The following PLBD1 variants were observed in gnomAD, a reference collection of about 807,000 sequenced individuals.
The protein encoded by PLBD1 is phospholipase B domain containing 1, also known as lysosomal leucine aminopeptidase.
Under a neutral mutation model 63.0 loss-of-function variants are expected in PLBD1, and 60 were observed. The ratio of observed to expected loss-of-function variants is 0.95; its 90% CI spans 0.77 to 1.18. The LOEUF (loss-of-function observed/expected upper bound fraction) is 1.18, where lower values mean the gene tolerates loss of function less well. PLBD1 is among the 50% of genes most tolerant of loss of function. The probability of loss-of-function intolerance (pLI) is 0.00; values close to 1 mark genes in which losing one functional copy is unlikely to be tolerated. For missense variants in PLBD1, 598 were observed against 677.9 expected (o/e 0.88, Z 1.31); for synonymous variants, 262 against 248.0 (o/e 1.06, Z -0.53).
chr12:14,514,257 A>C (rs1433547029), intron 6 of PLBD1, among the ~76,000 whole-genome samples: 1 of 152,188 alleles, frequency 6.6e-6, no homozygotes, highest in Non-Finnish European at 1.5e-5. Context: ...GGCTTGACAG[A>C]GTGTAAAATG....
At chr12:14,549,213 C>T (rs780977817) in intron 2 of PLBD1, among the ~76,000 whole-genome samples, 12 of 152,188 alleles carry the variant, frequency 7.9e-5, no homozygotes, top group African/African-American at 1.7e-4. Flanking sequence ...AATTAAGTAA[C>T]GGCTGGGAGC....
chr12:14,566,467 G>A (rs1371114226), intron 1 of PLBD1, among the ~76,000 whole-genome samples: 2 of 152,110 alleles, frequency 1.3e-5, no homozygotes, highest in Non-Finnish European at 2.9e-5. Flanking sequence ...TATGAAATAA[G>A]ACAAAATTAA....
At chr12:14,557,310 G>A (rs1945713723) in intron 1 of PLBD1, among the ~76,000 whole-genome samples, 1 of 152,016 alleles carries the variant, frequency 6.6e-6, no homozygotes, top group African/African-American at 2.4e-5. Flanking sequence ...CCATTACTGG[G>A]CATATACTCA....
At chr12:14,520,338 G>A (rs555461937) in intron 6 of PLBD1, among the ~76,000 whole-genome samples, 71 of 152,330 alleles carry the variant, frequency 4.7e-4, no homozygotes, top group Admixed American at 1.2e-3. Flanking sequence ...AAATTACACA[G>A]ATGCAGGAGC....
At chr12:14,542,172 T>C (rs371374658) in intron 3 of PLBD1, 36 bp downstream of exon 3, 2 of 1,529,190 alleles carry the variant, frequency 1.3e-6, no homozygotes, top group Non-Finnish European at 1.8e-6. Context: ...CCTCCAACAT[T>C]TAAAACAATG....
At chr12:14,554,635 C>G (rs1423550946) in intron 1 of PLBD1, among the ~76,000 whole-genome samples, 1 of 152,026 alleles carries the variant, frequency 6.6e-6, no homozygotes, top group Non-Finnish European at 1.5e-5. Context: ...CTTGCTCCAG[C>G]CGGCTGCAGT....
At chr12:14,566,021 C>T (rs991832296) in intron 1 of PLBD1, among the ~76,000 whole-genome samples, 35 of 152,148 alleles carry the variant, frequency 2.3e-4, no homozygotes, top group Non-Finnish European at 4.4e-4. Context: ...AGAAAAACAA[C>T]GCCTGTCTCA....
chr12:14,567,764 C>T lies in PLBD1; in HGVS notation c.-68G>A. 1.4e-6 allele frequency: 2 copies of T among 1,380,950 alleles called. No homozygotes were observed. Among genetic ancestry groups the T allele is most frequent in the Admixed American group, 3.9e-5 (1 of 25,686 alleles). The allele number at this position is 1,380,950 out of a possible 1,614,324, so 85.5% of individuals were successfully genotyped here. A position where few individuals can be genotyped will look rare whatever the true frequency, so the allele number is the denominator to read the frequency against. ...CGGTGGCCCGCGGTGGCAGAAGTTG[C>T]AAGAGAGGCTCCTGGCCTACTCAGG... On this transcript the variant is annotated 5_prime_UTR_variant, in exon 1 of 11. Transcript: ENST00000240617.
At chr12:14,513,989 C>T (rs763363761) in intron 6 of PLBD1, among the ~76,000 whole-genome samples, 1 of 152,090 alleles carries the variant, frequency 6.6e-6, no homozygotes, top group South Asian at 2.1e-4. Context: ...CCATGTTAGC[C>T]AGGATGGTCT....
At chr12:14,565,678 TTTGG>T (rs1335174292) in intron 1 of PLBD1, among the ~76,000 whole-genome samples, 3 of 152,116 alleles carry the variant, frequency 2.0e-5, no homozygotes, top group Non-Finnish European at 2.9e-5. Context: ...TTCTTTACTC[TTTGG>T]TTGTTCGCAG....
At chr12:14,533,020 C>T (rs1176554928) in intron 6 of PLBD1, 1 of 152,092 alleles carries the variant, frequency 6.6e-6, no homozygotes, top group Non-Finnish European at 1.5e-5. Context: ...ATGTTAGCCT[C>T]TTTAGGTGAA....
intron 6 of PLBD1, among the ~76,000 whole-genome samples, chr12:14,515,385 A>C (rs1945329504): frequency 6.6e-6 from 1 of 151,660 alleles, no homozygotes; most frequent in Non-Finnish European, 1.5e-5. Context: ...CAATGAGGAG[A>C]CAAAGAATCA....
intron 6 of PLBD1, chr12:14,531,039 C>T (rs1391688927): frequency 6.6e-6 from 1 of 152,192 alleles, no homozygotes; most frequent in Non-Finnish European, 1.5e-5. Context: ...TCTTTTTTAA[C>T]AGGGCCCCTG....
chr12:14,511,627 G>A lies in PLBD1; in HGVS notation c.929C>T (p.Thr310Ile). ...LQTTNSVFNK[T>I]LLKQVIPETL... ...CTCGGGTATTACCTGCTTTAGCAGG[G>A]TTTTATTAAACACACTGTTTGTGGT... is the stretch of plus-strand genomic sequence containing the variant. The change falls in exon 7 of 11, where the codon ACC becomes ATC. Residue 310 changes from threonine to isoleucine, a missense_variant. Physicochemically the swap from Thr to Ile is moderately conservative, Grantham distance 89. Transcript: ENST00000240617. 1 of 1,614,132 alleles carries A rather than the reference G, an allele frequency of 6.2e-7. No individual in the cohort carries two copies. The highest frequency in any genetic ancestry group is 1.1e-5 in the South Asian group (1 of 91,082).
chr12:14,508,479 AGCAACTTG>A (rs375724065), intron 8 of PLBD1, among the ~76,000 whole-genome samples: 150 of 152,322 alleles, frequency 9.8e-4, no homozygotes, highest in African/African-American at 3.3e-3. Flanking sequence ...TTTAAAACAG[AGCAACTTG>A]GCCTGGTGCA....
chr12:14,525,216 C>T (rs750209908), intron 6 of PLBD1, among the ~76,000 whole-genome samples: 6 of 152,088 alleles, frequency 3.9e-5, no homozygotes, highest in South Asian at 2.1e-4. Context: ...GAACTGAGAT[C>T]GCATCACTGA....
intron 6 of PLBD1, among the ~76,000 whole-genome samples, chr12:14,513,462 C>T (rs1945314662): frequency 1.3e-5 from 2 of 152,170 alleles, no homozygotes; most frequent in Non-Finnish European, 2.9e-5. Context: ...CCTCAAATCA[C>T]CCCACCAGCC....
At chr12:14,513,785 T>TC (rs1347943732) in intron 6 of PLBD1, among the ~76,000 whole-genome samples, 22 of 151,828 alleles carry the variant, frequency 1.4e-4, no homozygotes, top group Non-Finnish European at 1.5e-4. Context: ...TCTTAGTTTT[T>TC]TTTTTTTTTT....
chr12:14,504,418 C>G (rs1159571241), intron 10 of PLBD1, among the ~76,000 whole-genome samples: 1 of 152,200 alleles, frequency 6.6e-6, no homozygotes, highest in African/African-American at 2.4e-5. Context: ...CTTCTGTATA[C>G]ATTTGGCTTA....
Sources: allele counts gnomAD v4.1 joint callset (sites outside exome capture counted in the v4.1 genomes callset), GRCh38; gene constraint gnomAD v4.1.1; transcripts MANE v1.5; gene names NCBI Gene and HGNC (gene_info 2026-07-23, HGNC 2026-07-21).